The following DCDC2 variants were observed in gnomAD, a reference collection of about 807,000 sequenced individuals.
DCDC2 encodes doublecortin domain-containing protein 2.
DCDC2 carries 40 observed loss-of-function variants against 50.2 expected under a neutral mutation model. That is an observed-to-expected ratio of 0.80 (90% CI 0.62 to 1.04). DCDC2 has a LOEUF of 1.04. Among genes scored for constraint, DCDC2 ranks in the 50% least tolerant of loss-of-function variants. DCDC2 has a pLI of 0.00. For synonymous variants in DCDC2, 234 were observed against 210.6 expected, an observed-to-expected ratio of 1.11 and a Z score of -0.96; for missense variants, 570 against 581.9, an observed-to-expected ratio of 0.98 and a Z score of 0.21.
intron 2 of DCDC2, 69 bp downstream of exon 2, chr6:24,353,500 C>G: frequency 1.0e-6 from 1 of 986,048 alleles, no homozygotes; most frequent in Non-Finnish European, 1.6e-6. Context: ...GTCCAAATCT[C>G]TAAGACACAC....
intron 4 of DCDC2, among the ~76,000 whole-genome samples, chr6:24,292,475 A>G (rs1161966005): frequency 1.3e-5 from 2 of 152,260 alleles, no homozygotes; most frequent in Non-Finnish European, 2.9e-5. Context: ...TTGTGTTTTT[A>G]GTTAGTATAC....
intron 7 of DCDC2, among the ~76,000 whole-genome samples, chr6:24,207,390 C>G (rs954469814): frequency 6.6e-6 from 1 of 151,544 alleles, no homozygotes; most frequent in Admixed American, 6.6e-5. Flanking sequence ...ATGAGCATTT[C>G]TCATGTCACT....
Position 24,313,500 on chromosome 6 carries a change from TG to T in DCDC2, c.349-11457del, listed in dbSNP as rs371649530. The stretch of plus-strand genomic sequence containing the variant: ...TTTGTTTTTGTTTTATTTTCCCAAA[TG>T]GGATTTTGGTTATCAAACATATCTA... On this transcript the variant is annotated intron_variant, in intron 2 of 9. Coordinates refer to ENST00000378454, the MANE Select transcript of DCDC2 (RefSeq NM_016356.5). 4.9e-4 allele frequency among the ~76,000 whole-genome samples: 74 copies of T among 152,354 alleles called. No homozygotes were observed. The South Asian group carries it at 0.014, about 29-fold the overall frequency.
intron 2 of DCDC2, among the ~76,000 whole-genome samples, chr6:24,351,018 A>T (rs76029161): frequency 0.037 from 5,639 of 152,280 alleles, 153 homozygotes; most frequent in Middle Eastern, 0.085. Context: ...CCCATACTAA[A>T]AATCACACAG....
intron 8 of DCDC2, among the ~76,000 whole-genome samples, chr6:24,185,845 A>C (rs1761192618): frequency 6.6e-6 from 1 of 152,188 alleles, no homozygotes; most frequent in Non-Finnish European, 1.5e-5. Context: ...AGGAGGAACA[A>C]GTTGCACCCT....
intron 2 of DCDC2, among the ~76,000 whole-genome samples, chr6:24,306,321 AC>A (rs1759472211): frequency 1.3e-5 from 2 of 152,300 alleles, no homozygotes; most frequent in East Asian, 3.9e-4. Flanking sequence ...AAAGCAGGAC[AC>A]ACTGATGACT....
In DCDC2 at chr6:24,302,058, G is replaced by T; in HGVS notation, c.349-14C>A. On this transcript the variant is annotated splice_polypyrimidine_tract_variant and intron_variant, in intron 2 of 9. Transcript: ENST00000378454. ...TACTGGTTTTACCTTTAAAAGCAAA[G>T]GAAAAAAAATATAAACCACTAAGCT... 6.3e-7 allele frequency: 1 copy of T among 1,592,382 alleles called. No individual in the cohort carries two copies. The highest frequency in any genetic ancestry group is 8.5e-7 in the Non-Finnish European group (1 of 1,173,254).
In DCDC2 at chr6:24,271,207, C is replaced by CAAAAAAAAAAAAAA. The variant is rs543819229; in HGVS notation, c.922+6828_922+6841dup. Reference sequence around the variant, plus strand: ...TGGGTGACAGAGTGAGACACTCCCTCAAAAAAAAAAAAAAAAAAGAGAGAG... The same window carrying CAAAAAAAAAAAAAA: ...TGGGTGACAGAGTGAGACACTCCCTCAAAAAAAAAAAAAAAAAAAAAAAAAAAAAAAAGAGAGAG... On this transcript the variant is annotated intron_variant, in intron 7 of 9. Coordinates refer to ENST00000378454, the MANE Select transcript of DCDC2 (RefSeq NM_016356.5). Among the ~76,000 whole-genome samples, 11 of 39,396 alleles carry CAAAAAAAAAAAAAA rather than the reference C, an allele frequency of 2.8e-4. 1 individual carries two copies. Among genetic ancestry groups the CAAAAAAAAAAAAAA allele is most frequent in the South Asian group, 2.1e-3 (1 of 476 alleles). The allele number at this position is 39,396 out of a possible 152,430, so 25.8% of individuals were successfully genotyped here. A position where few individuals can be genotyped will look rare whatever the true frequency, so the allele number is the denominator to read the frequency against.
At chr6:24,218,197 GAA>G (rs1421933027) in intron 7 of DCDC2, among the ~76,000 whole-genome samples, 1 of 152,200 alleles carries the variant, frequency 6.6e-6, no homozygotes, top group East Asian at 1.9e-4. Context: ...AAATCAATGG[GAA>G]AAGAGATCTC....
intron 2 of DCDC2, among the ~76,000 whole-genome samples, chr6:24,321,677 G>A (rs1759776495): frequency 6.6e-6 from 1 of 152,136 alleles, no homozygotes; most frequent in Admixed American, 6.5e-5. Flanking sequence ...CAAGGACCTA[G>A]CAGTCATCTC....
rs970494703 is a variant in DCDC2 at position 24,196,240 on chromosome 6, A to G, written c.1023+8762T>C. On this transcript the variant is annotated intron_variant, in intron 8 of 9. Coordinates refer to ENST00000378454, the MANE Select transcript of DCDC2 (RefSeq NM_016356.5). ...ATAATTGGCTTTTTTTTTTTATGCA[A>G]TACTCTCTCCTCAGATCACTTGTCT... Among the ~76,000 whole-genome samples the G allele has an allele frequency of 7.4e-5, 11 of 148,734 alleles. No homozygotes were observed. The East Asian group carries it at 1.6e-3, about 21-fold the overall frequency.
At chr6:24,207,250 CTATCTT>C (rs1761734674) in intron 7 of DCDC2, among the ~76,000 whole-genome samples, 2 of 139,986 alleles carry the variant, frequency 1.4e-5, no homozygotes, top group African/African-American at 6.0e-5. Context: ...CTCACTCCAT[CTATCTT>C]TCTCTCTCTC....
chr6:24,223,148 A>G (rs969929583), intron 7 of DCDC2, among the ~76,000 whole-genome samples: 2 of 152,240 alleles, frequency 1.3e-5, no homozygotes, highest in African/African-American at 2.4e-5. Flanking sequence ...GAAGCTCATA[A>G]TATCATTGAA....
intron 7 of DCDC2, among the ~76,000 whole-genome samples, chr6:24,251,885 T>C (rs745492314): frequency 6.6e-6 from 1 of 152,204 alleles, no homozygotes; most frequent in Non-Finnish European, 1.5e-5. Context: ...CCCAAAAATG[T>C]TACATTCACC....
At chr6:24,270,761 C>G (rs1478327683) in intron 7 of DCDC2, among the ~76,000 whole-genome samples, 1 of 152,186 alleles carries the variant, frequency 6.6e-6, no homozygotes, top group Non-Finnish European at 1.5e-5. Context: ...AGACACCTCC[C>G]TAACCAAGCC....
chr6:24,369,257 T>C, the DCDC2 span, among the ~76,000 whole-genome samples: 13 of 151,844 alleles, frequency 8.6e-5, no homozygotes, highest in Non-Finnish European at 1.9e-4. Flanking sequence ...ATATAATAAC[T>C]TGTGATATTG....
chr6:24,219,041 T>C (rs764748138), intron 7 of DCDC2, among the ~76,000 whole-genome samples: 5 of 152,198 alleles, frequency 3.3e-5, no homozygotes, highest in Non-Finnish European at 5.9e-5. Flanking sequence ...TAGTCTTTTA[T>C]TGGATTTCTT....
chr6:24,202,295 G>A lies in DCDC2; in HGVS notation c.1023+2707C>T, dbSNP rs576297998. 8.5e-5 allele frequency among the ~76,000 whole-genome samples: 13 copies of A among 152,188 alleles called. No individual in the cohort carries two copies. In the South Asian group the frequency reaches 2.3e-3, roughly 27 times the overall value. On this transcript the variant is annotated intron_variant, in intron 8 of 9. Transcript: ENST00000378454. Reference sequence around the variant, plus strand: ...AAAGCTTATCAGCCACGATCAAGTCGGCTTCATCCCTGGGATGGAAGCCTG... The same window carrying A: ...AAAGCTTATCAGCCACGATCAAGTCAGCTTCATCCCTGGGATGGAAGCCTG...
chr6:24,186,191 G>A (rs543142052), intron 8 of DCDC2, among the ~76,000 whole-genome samples: 14 of 152,250 alleles, frequency 9.2e-5, no homozygotes, highest in Non-Finnish European at 1.8e-4. Flanking sequence ...TAGTATACGC[G>A]CTTAAGCAAC....
Sources: allele counts gnomAD v4.1 joint callset (sites outside exome capture counted in the v4.1 genomes callset), GRCh38; gene constraint gnomAD v4.1.1; transcripts MANE v1.5; gene names NCBI Gene and HGNC (gene_info 2026-07-23, HGNC 2026-07-21).